Variants in SIM1 observed in about 807,000 individuals in gnomAD.
The protein encoded by SIM1 is SIM bHLH transcription factor 1.
Under a neutral mutation model 78.2 loss-of-function variants are expected in SIM1, and 18 were observed. The observed-to-expected ratio is 0.23, with a 90% CI of 0.16 to 0.34. The LOEUF is 0.34. SIM1 is among the 10% of genes least tolerant of loss of function. SIM1 has a pLI of 1.00. For missense variants in SIM1, 939 were observed against 975.1 expected (o/e 0.96, Z 0.49); for synonymous variants, 417 against 385.2 (o/e 1.08, Z -0.97).
intron 9 of SIM1, among the ~76,000 whole-genome samples, chr6:100,444,644 G>C (rs1772309403): frequency 6.6e-6 from 1 of 152,112 alleles, no homozygotes; most frequent in African/African-American, 2.4e-5. Context: ...TATACCACCT[G>C]CCTCTAAAAT....
In SIM1 at chr6:100,389,236, A is replaced by G. The variant is rs758539915; in HGVS notation, c.*1125T>C. The G allele has an allele frequency of 7.1e-5, 13 of 182,374 alleles. No homozygotes were observed. The South Asian group carries it at 7.8e-4, about 11-fold the overall frequency. The allele number at this position is 182,374 out of a possible 1,614,324, so 11.3% of individuals were successfully genotyped here. A position where few individuals can be genotyped will look rare whatever the true frequency, so the allele number is the denominator to read the frequency against. The stretch of plus-strand genomic sequence containing the variant: ...AATAAGGAAAATAAACATTTTGCCT[A>G]TTCCTTCAGAGTACTGCTCTTAGCT... On this transcript the variant is annotated 3_prime_UTR_variant, in exon 12 of 12. Coordinates refer to ENST00000369208, the MANE Select transcript of SIM1 (RefSeq NM_005068.3).
At chr6:100,420,995 C>A in intron 9 of SIM1, 37 bp from the exon 10 acceptor site, 1 of 1,595,144 alleles carries the variant, frequency 6.3e-7, no homozygotes, top group Non-Finnish European at 8.5e-7. Context: ...AATCAGCCAC[C>A]ATAGGAAATG....
chr6:100,392,001 C>T (rs570568527), intron 11 of SIM1, among the ~76,000 whole-genome samples: 149 of 152,146 alleles, frequency 9.8e-4, no homozygotes, highest in African/African-American at 3.5e-3. Context: ...TGTGAAGCCC[C>T]GTCTCTACTA....
In SIM1 at chr6:100,390,721, G is replaced by A; in HGVS notation, c.1941C>T (p.Asp647=). ...ATAGTGCGGTGGGACTGTTGTCATA[G>A]TCATTTTCATGGGGGCTCAACATTT... ...EGKMLSPHEN[D]YDNSPTALSR... is the part of the protein sequence containing the mutation. The change falls in exon 12 of 12, where the codon GAC becomes GAT. Residue 647 remains aspartate (D), a synonymous_variant. Transcript: ENST00000369208. 6.2e-7 allele frequency: 1 copy of A among 1,614,154 alleles called. No individual in the cohort carries two copies. Among genetic ancestry groups the A allele is most frequent in the Non-Finnish European group, 8.5e-7 (1 of 1,180,034 alleles).
chr6:100,406,582 A>G (rs1771055947), intron 10 of SIM1, among the ~76,000 whole-genome samples: 1 of 152,228 alleles, frequency 6.6e-6, no homozygotes, highest in African/African-American at 2.4e-5. Context: ...GAATGGAAGG[A>G]TAAGTCTACC....
chr6:100,448,146 G>C lies in SIM1; in HGVS notation c.850C>G (p.Leu284Val). Residue 284 changes from leucine to valine, a missense_variant and splice_region_variant, in exon 8 of 12, where the codon CTG (leucine) becomes GTG (valine). Around this residue, in one of 5 missense-constraint regions of SIM1, gnomAD observed 66 missense variants for 108.4 expected, o/e 0.61. Coordinates refer to ENST00000369208, the MANE Select transcript of SIM1 (RefSeq NM_005068.3). ...GGTACGGGGCAGGGTGGCGCCTTAC[G>C]CAAATGGTGCGCGCAGCGCAGGTGG... is the stretch of plus-strand genomic sequence containing the variant. ...TFHLRCAHHL[L>V]LVKGQVTTKY... The C allele has an allele frequency of 6.2e-7, 1 of 1,611,258 alleles. No individual in the cohort carries two copies. The highest frequency in any genetic ancestry group is 8.5e-7 in the Non-Finnish European group (1 of 1,178,824).
intron 9 of SIM1, among the ~76,000 whole-genome samples, chr6:100,433,220 A>G (rs188194332): frequency 2.6e-5 from 4 of 152,244 alleles, no homozygotes; most frequent in African/African-American, 9.6e-5. Context: ...GAATTCTCCA[A>G]TGGCTTCCCA....
Position 100,458,006 on chromosome 6 carries a change from TTCTCTCTC to T in SIM1, c.176-4170_176-4163del, listed in dbSNP as rs71028024. On this transcript the variant is annotated intron_variant, in intron 2 of 11. Coordinates refer to ENST00000369208, the MANE Select transcript of SIM1 (RefSeq NM_005068.3). ...GTCACACCGCTGTCTGTCTCTCTCTTTCTCTCTCTCTCTCTCTCTCTCTCTCTCTCTCT... is the reference window on the plus strand; with the variant it reads ...GTCACACCGCTGTCTGTCTCTCTCTTTCTCTCTCTCTCTCTCTCTCTCTCT... 6.6e-3 allele frequency among the ~76,000 whole-genome samples: 593 copies of T among 89,764 alleles called. 4 individuals are homozygous for T. The highest frequency in any genetic ancestry group is 0.022 in the Middle Eastern group (4 of 182). 58.9% of individuals were successfully genotyped at this position (89,764 alleles called of 152,430 possible).
chr6:100,416,346 C>T (rs996107455), intron 10 of SIM1, among the ~76,000 whole-genome samples: 3 of 151,744 alleles, frequency 2.0e-5, no homozygotes, highest in Non-Finnish European at 2.9e-5. Context: ...TTACTGTCAG[C>T]CATTTGTTAG....
Position 100,412,592 on chromosome 6 carries a change from AAAG to A in SIM1, c.1167+8195_1167+8197del, listed in dbSNP as rs1310701918. On this transcript the variant is annotated intron_variant, in intron 10 of 11. Transcript: ENST00000369208. ...GAAAGAAAGAAAGAAAGAAAGAAAG[AAAG>A]AAAGAAAGAAAGAAAGGAAAGAAAG... Among the ~76,000 whole-genome samples the A allele has an allele frequency of 2.0e-4, 24 of 117,236 alleles. 1 individual carries two copies. The highest frequency in any genetic ancestry group is 7.0e-4 in the African/African-American group (23 of 32,950). The allele number at this position is 117,236 out of a possible 152,430, so 76.9% of individuals were successfully genotyped here.
At chr6:100,451,460 G>A (rs952124355) in intron 3 of SIM1, among the ~76,000 whole-genome samples, 2 of 152,202 alleles carry the variant, frequency 1.3e-5, no homozygotes, top group African/African-American at 4.8e-5. Context: ...GAAACCTGGA[G>A]TTGCTCTGTA....
intron 9 of SIM1, among the ~76,000 whole-genome samples, chr6:100,432,256 G>A (rs186135773): frequency 3.3e-5 from 5 of 152,200 alleles, no homozygotes; most frequent in Admixed American, 6.5e-5. Flanking sequence ...AGCACGCCTC[G>A]GAAGCACCTG....
Position 100,463,624 on chromosome 6 carries a change from G to C in SIM1, c.-156C>G. 1.5e-6 allele frequency: 1 copy of C among 651,726 alleles called. No homozygotes were observed. The highest frequency in any genetic ancestry group is 2.6e-5 in the Admixed American group (1 of 38,954). The allele number at this position is 651,726 out of a possible 1,614,324, so 40.4% of individuals were successfully genotyped here. A position where few individuals can be genotyped will look rare whatever the true frequency, so the allele number is the denominator to read the frequency against. Reference sequence around the variant, plus strand: ...TTTGCACCAAGAACAGTGTATTGATGGCAGTAAAAGACCAGCGGGGGTGAA... The same window carrying C: ...TTTGCACCAAGAACAGTGTATTGATCGCAGTAAAAGACCAGCGGGGGTGAA... On this transcript the variant is annotated 5_prime_UTR_variant, in exon 2 of 12. Transcript: ENST00000369208.
intron 9 of SIM1, 119 bp from the exon 10 acceptor site, chr6:100,421,077 A>G: frequency 1.0e-6 from 1 of 977,978 alleles, no homozygotes; most frequent in Non-Finnish European, 1.5e-6. Context: ...AGTTAGCCCT[A>G]TAACTAGCTT....
chr6:100,406,471 A>G (rs1582614123), intron 10 of SIM1, among the ~76,000 whole-genome samples: 2 of 152,202 alleles, frequency 1.3e-5, no homozygotes, highest in African/African-American at 2.4e-5. Context: ...TGTCAGGCAT[A>G]TTACCAACCT....
In SIM1 at chr6:100,390,472, A is replaced by G; in HGVS notation, c.2190T>C (p.Tyr730=). The change falls in exon 12 of 12, where the codon TAT becomes TAC. Residue 730 remains tyrosine (Y), a synonymous_variant. Coordinates refer to ENST00000369208, the MANE Select transcript of SIM1 (RefSeq NM_005068.3). ...AGTGTGAGCCATTACAGCCCAAGGA[A>G]TAGTTTCTAATGGTTTCGCTGTCAT... ...HLYDSETIRN[Y]SLGCNGSHFD... The G allele has an allele frequency of 1.2e-6, 2 of 1,614,156 alleles. No homozygotes were observed. Among genetic ancestry groups the G allele is most frequent in the Non-Finnish European group, 1.7e-6 (2 of 1,180,022 alleles).
rs546364576 is a variant in SIM1, at chr6:100,390,068, T to A, written c.*293A>T. The A allele has an allele frequency of 2.2e-6, 1 of 458,166 alleles. No individual in the cohort carries two copies. Among genetic ancestry groups the A allele is most frequent in the Admixed American group, 3.9e-5 (1 of 25,840 alleles). The allele number at this position is 458,166 out of a possible 1,614,324, so 28.4% of individuals were successfully genotyped here. ...GTTGTCATTCATCAGTCCTCTCATG[T>A]AGTATATATGCACACTTGATCTACA... is the stretch of plus-strand genomic sequence containing the variant. On this transcript the variant is annotated 3_prime_UTR_variant, in exon 12 of 12. Coordinates refer to ENST00000369208, the MANE Select transcript of SIM1 (RefSeq NM_005068.3).
chr6:100,413,196 G>C (rs958578373), intron 10 of SIM1, among the ~76,000 whole-genome samples: 2 of 152,064 alleles, frequency 1.3e-5, no homozygotes, highest in African/African-American at 4.8e-5. Flanking sequence ...AGCTCTCTGG[G>C]GTGAGGACGG....
chr6:100,447,287 T>C lies in SIM1; in HGVS notation c.979A>G (p.Ser327Gly). Residue 327 changes from serine (S) to glycine (G), a missense_variant, in exon 9 of 12, where the codon AGC (serine) becomes GGC (glycine). Coordinates refer to ENST00000369208, the MANE Select transcript of SIM1 (RefSeq NM_005068.3). ...SRSSRPHCIV[S>G]VNYVLTDTEY... ...ACTCACGTGAGGACATAGTTGACGCTGACGATACAGTGTGGCCTGGAGGAG... is the reference window on the plus strand; with the variant it reads ...ACTCACGTGAGGACATAGTTGACGCCGACGATACAGTGTGGCCTGGAGGAG... 6.2e-7 allele frequency: 1 copy of C among 1,614,232 alleles called. No homozygotes were observed. Among genetic ancestry groups the C allele is most frequent in the Non-Finnish European group, 8.5e-7 (1 of 1,180,046 alleles).
Sources: gnomAD v4.1 joint callset for allele counts (sites outside exome capture counted in the v4.1 genomes callset) on GRCh38, gnomAD v4.1.1 for gene constraint, gnomAD v4.1.1 regional missense constraint, MANE v1.5 for transcripts, NCBI Gene and HGNC (gene_info 2026-07-23, HGNC 2026-07-21) for gene names.